The following LRIF1 variants were observed in gnomAD, a reference collection of about 807,000 sequenced individuals.
LRIF1 encodes the protein ligand dependent nuclear receptor interacting factor 1.
Under a neutral mutation model 52.7 loss-of-function variants are expected in LRIF1, and 32 were observed. The observed-to-expected ratio is 0.61, with a 90% CI of 0.46 to 0.82. LRIF1 has a LOEUF of 0.82. Among genes scored for constraint, LRIF1 ranks in the 40% least tolerant of loss-of-function variants. The pLI is 0.00. For missense variants in LRIF1, 887 were observed against 892.0 expected, an observed-to-expected ratio of 0.99 and a Z score of 0.07; for synonymous variants, 323 against 317.4, an observed-to-expected ratio of 1.02 and a Z score of -0.19.
chr1:110,895,645 G>T, the LRIF1 span, among the ~76,000 whole-genome samples: 2 of 152,180 alleles, frequency 1.3e-5, no homozygotes, highest in East Asian at 1.9e-4. Flanking sequence ...TTAGAGCCTG[G>T]AGACCAGAAT....
the LRIF1 span, among the ~76,000 whole-genome samples, chr1:110,887,312 C>T: frequency 6.6e-6 from 1 of 152,188 alleles, no homozygotes; most frequent in Non-Finnish European, 1.5e-5. Flanking sequence ...GATCCGCCCG[C>T]CTCGGCCTCC....
chr1:110,952,921 A>T, intron 1 of LRIF1, 106 bp from the exon 2 acceptor site: 1 of 663,100 alleles, frequency 1.5e-6, no homozygotes, highest in Non-Finnish European at 2.1e-6. Flanking sequence ...TAAAGTATAT[A>T]ATTTTCCATT....
At chr1:110,936,120 G>C in the LRIF1 span, among the ~76,000 whole-genome samples, 1 of 152,096 alleles carries the variant, frequency 6.6e-6, no homozygotes, top group East Asian at 1.9e-4. Context: ...CACACATGAA[G>C]GTGAAATAAA....
chr1:110,881,010 GA>G, the LRIF1 span, among the ~76,000 whole-genome samples: 1 of 152,196 alleles, frequency 6.6e-6, no homozygotes, highest in Non-Finnish European at 1.5e-5. Flanking sequence ...AGTAAGGAAG[GA>G]AGCATTAAGA....
Position 110,957,954 on chromosome 1 carries a change from C to T in LRIF1, c.69-5139G>A, listed in dbSNP as rs572482408. Among the ~76,000 whole-genome samples the T allele has an allele frequency of 2.0e-5, 3 of 152,320 alleles. No individual in the cohort carries two copies. The South Asian group carries it at 6.2e-4, about 32-fold the overall frequency. On this transcript the variant is annotated intron_variant, in intron 1 of 3. Coordinates refer to ENST00000369763, the MANE Select transcript of LRIF1 (RefSeq NM_018372.4). ...ACTTCCACCATCTACATGAGATCCT[C>T]ATCAGATGTGTCTAGCACTCATCAT...
At chr1:110,882,531 A>C in the LRIF1 span, among the ~76,000 whole-genome samples, 1 of 152,058 alleles carries the variant, frequency 6.6e-6, no homozygotes, top group Non-Finnish European at 1.5e-5. Context: ...GTTCTTTATC[A>C]AACTCATTTT....
At chr1:110,959,026 TC>T (rs1034756885) in intron 1 of LRIF1, among the ~76,000 whole-genome samples, 6 of 152,156 alleles carry the variant, frequency 3.9e-5, no homozygotes, top group African/African-American at 1.4e-4. Context: ...ATAATTAAAG[TC>T]CTACAAAGAT....
Position 110,948,286 on chromosome 1 carries a change from G to A in LRIF1, c.1983C>T (p.Thr661=), listed in dbSNP as rs375688507. ...NAIINGEANV[T]GSQLLSSILP... is the part of the protein sequence containing the mutation. ...AAATACTGCTTAGGAGTTGGGAACC[G>A]GTGACATTAGCTTCCCCATTTATGA... Residue 661 remains threonine (T), a synonymous_variant, in exon 4 of 4, where the codon ACC becomes ACT. Coordinates refer to ENST00000369763, the MANE Select transcript of LRIF1 (RefSeq NM_018372.4). 38 of 1,613,878 alleles carry A rather than the reference G, an allele frequency of 2.4e-5. No individual in the cohort carries two copies. Among genetic ancestry groups the A allele is most frequent in the African/African-American group, 2.1e-4 (16 of 74,878 alleles).
At chr1:110,910,163 A>G in the LRIF1 span, among the ~76,000 whole-genome samples, 1 of 152,078 alleles carries the variant, frequency 6.6e-6, no homozygotes, top group South Asian at 2.1e-4. Context: ...TCTAAACTTG[A>G]CACTTGAAAA....
At chr1:110,949,251 T>A (rs1008644919) in intron 3 of LRIF1, among the ~76,000 whole-genome samples, 3 of 151,616 alleles carry the variant, frequency 2.0e-5, no homozygotes, top group African/African-American at 4.9e-5. Context: ...CCCAAGTAGT[T>A]GGGACTACAG....
intron 1 of LRIF1, among the ~76,000 whole-genome samples, chr1:110,958,062 T>C (rs115215217): frequency 0.014 from 2,142 of 152,282 alleles, 19 homozygotes; most frequent in Middle Eastern, 0.041. Flanking sequence ...CAGACTAAAA[T>C]TGTTTTCATC....
the LRIF1 span, among the ~76,000 whole-genome samples, chr1:110,926,678 T>C: frequency 1.3e-5 from 2 of 152,112 alleles, no homozygotes; most frequent in Non-Finnish European, 1.5e-5. Context: ...TCTCTCAACA[T>C]TGTATATGTA....
Position 110,948,320 on chromosome 1 carries a change from T to C in LRIF1, c.1949A>G (p.Tyr650Cys), listed in dbSNP as rs148419989. The C allele has an allele frequency of 1.9e-6, 3 of 1,614,024 alleles. No individual in the cohort carries two copies. The African/African-American group carries it at 4.0e-5, about 22-fold the overall frequency. ...AGCTTCCCCATTTATGATTGCGTTA[T>C]AAGCATTCTCTGTTTTTCTCTTCTT... Reference protein sequence around the residue: ...HIKKRKTENAYNAIINGEANV... With the variant: ...HIKKRKTENACNAIINGEANV... Residue 650 changes from tyrosine (Y) to cysteine (C), a missense_variant, in exon 4 of 4, where the codon TAT becomes TGT. Tyr to Cys is a radical substitution (Grantham distance 194, BLOSUM62 -2). Coordinates refer to ENST00000369763, the MANE Select transcript of LRIF1 (RefSeq NM_018372.4).
the LRIF1 span, chr1:110,894,363 G>A: frequency 6.2e-7 from 1 of 1,614,120 alleles, no homozygotes; most frequent in Non-Finnish European, 8.5e-7. Flanking sequence ...CCTTGCTGAG[G>A]TGACCTTGGC....
At chr1:110,879,018 G>A in the LRIF1 span, among the ~76,000 whole-genome samples, 1 of 152,034 alleles carries the variant, frequency 6.6e-6, no homozygotes, top group Non-Finnish European at 1.5e-5. Flanking sequence ...TTTATTGTTT[G>A]ATTTCTTTTT....
chr1:110,882,624 A>G, the LRIF1 span, among the ~76,000 whole-genome samples: 1 of 152,142 alleles, frequency 6.6e-6, no homozygotes, highest in South Asian at 2.1e-4. Context: ...TGTAATATTG[A>G]TGGGGATTAC....
Position 110,951,382 on chromosome 1 carries a change from C to T in LRIF1, c.1502G>A (p.Gly501Glu). 1 of 1,614,082 alleles carries T rather than the reference C, an allele frequency of 6.2e-7. No homozygotes were observed. The highest frequency in any genetic ancestry group is 8.5e-7 in the Non-Finnish European group (1 of 1,179,982). ...KVTAVIYARKGSVLQSIEKIS... is the reference protein window; with the variant it reads ...KVTAVIYARKESVLQSIEKIS... ...TTTCTCTATGCTCTGGAGGACACTT[C>T]CTTTTCTAGCATAAATGACGGCTGT... Residue 501 changes from glycine (G) to glutamate (E), a missense_variant, in exon 2 of 4, where the codon GGA becomes GAA. Physicochemically the swap from Gly to Glu is moderately conservative, Grantham distance 98 (BLOSUM62 -2). Transcript: ENST00000369763.
the LRIF1 span, chr1:110,897,554 T>C: frequency 3.2e-6 from 1 of 316,758 alleles, no homozygotes; most frequent in Admixed American, 4.8e-5. Context: ...TAGAAGCTAG[T>C]TTAACTCAGC....
downstream of LRIF1, chr1:110,944,775 T>G (rs559395790): frequency 6.6e-6 from 1 of 152,064 alleles, no homozygotes; most frequent in Non-Finnish European, 1.5e-5. Context: ...ATAAGACACA[T>G]AGACCTAGAT....
Sources: gnomAD v4.1 joint callset for allele counts (sites outside exome capture counted in the v4.1 genomes callset) on GRCh38, gnomAD v4.1.1 for gene constraint, MANE v1.5 for transcripts, NCBI Gene and HGNC (gene_info 2026-07-23, HGNC 2026-07-21) for gene names.